The following QRICH1 variants were observed in gnomAD, a reference collection of about 807,000 sequenced individuals.
QRICH1 encodes the protein transcriptional regulator QRICH1.
QRICH1 carries 16 observed loss-of-function variants against 87.1 expected under a neutral mutation model. The observed-to-expected ratio is 0.18, with a 90% CI of 0.12 to 0.28. The LOEUF (loss-of-function observed/expected upper bound fraction) is 0.28. Ranked by LOEUF, QRICH1 falls within the 10% of genes least tolerant of loss-of-function variation. The pLI is 1.00. For synonymous variants in QRICH1, 367 were observed against 368.4 expected (o/e 1.00, Z 0.05); for missense variants, 647 against 951.7 (o/e 0.68, Z 4.21).
chr3:49,090,376 G>A (rs1257113319), intron 1 of QRICH1, among the ~76,000 whole-genome samples: 6 of 150,720 alleles, frequency 4.0e-5, no homozygotes, highest in Non-Finnish European at 8.9e-5. Flanking sequence ...GGAGAATGGC[G>A]TGAACCCAGA....
At chr3:49,084,107 G>A (rs1018549635) in intron 1 of QRICH1, among the ~76,000 whole-genome samples, 3 of 151,672 alleles carry the variant, frequency 2.0e-5, no homozygotes, top group African/African-American at 7.3e-5. Flanking sequence ...GCCCACATCC[G>A]GCTAATTTTT....
intron 6 of QRICH1, among the ~76,000 whole-genome samples, chr3:49,037,071 CTT>C (rs1311810513): frequency 2.8e-4 from 14 of 49,566 alleles, no homozygotes; most frequent in African/African-American, 8.5e-4. Flanking sequence ...ACCCCCGTCT[CTT>C]AAAAAAAAAA....
chr3:49,075,025 C>T lies in QRICH1; in HGVS notation c.309+1684G>A, dbSNP rs143551368. ...TGTGGTGTTTTTAGTTTACAGTACT[C>T]GAAAATATTTTTAAGGCCAGGCATG... On this transcript the variant is annotated intron_variant, in intron 2 of 9. Transcript: ENST00000395443. Among the ~76,000 whole-genome samples, 57 of 150,830 alleles carry T rather than the reference C, an allele frequency of 3.8e-4. No homozygotes were observed. The East Asian group carries it at 0.011, about 30-fold the overall frequency.
At chr3:49,078,622 C>T (rs1468618208) in intron 1 of QRICH1, among the ~76,000 whole-genome samples, 1 of 149,004 alleles carries the variant, frequency 6.7e-6, no homozygotes, top group Non-Finnish European at 1.5e-5. Flanking sequence ...GTCTCGATCT[C>T]CTGACCTCGT....
At chr3:49,061,605 C>A (rs1319814352) in intron 2 of QRICH1, among the ~76,000 whole-genome samples, 1 of 152,220 alleles carries the variant, frequency 6.6e-6, no homozygotes, top group African/African-American at 2.4e-5. Flanking sequence ...GTAATCCCAG[C>A]TCTGTGGGAG....
chr3:49,079,261 A>C (rs1205114946), intron 1 of QRICH1, among the ~76,000 whole-genome samples: 1 of 151,922 alleles, frequency 6.6e-6, no homozygotes, highest in Non-Finnish European at 1.5e-5. Context: ...AACAAACAAA[A>C]AAATTAAGTT....
chr3:49,032,986 G>T, intron 7 of QRICH1, 134 bp downstream of exon 7: 1 of 920,120 alleles, frequency 1.1e-6, no homozygotes. Flanking sequence ...CAAATAAAAT[G>T]CAGCCAAGTG....
In QRICH1 at chr3:49,093,961, C is replaced by T. The variant is rs2042332310; in HGVS notation, c.-71G>A. The T allele has an allele frequency of 2.5e-6, 1 of 404,484 alleles. No homozygotes were observed. Among genetic ancestry groups the T allele is most frequent in the Non-Finnish European group, 4.3e-6 (1 of 231,268 alleles). The allele number at this position is 404,484 out of a possible 1,614,324, so 25.1% of individuals were successfully genotyped here. A position where few individuals can be genotyped will look rare whatever the true frequency, so the allele number is the denominator to read the frequency against. ...CCGCCGCCTCCGCTGCACCCGCCGG[C>T]CCCGCCGCACCGCCAGGGACCCTGG... is the stretch of plus-strand genomic sequence containing the variant. On this transcript the variant is annotated 5_prime_UTR_variant, in exon 1 of 10. Coordinates refer to ENST00000395443, the MANE Select transcript of QRICH1 (RefSeq NM_198880.3).
intron 6 of QRICH1, among the ~76,000 whole-genome samples, chr3:49,034,106 A>ATTG (rs1553739012): frequency 6.6e-6 from 1 of 150,962 alleles, no homozygotes; most frequent in Non-Finnish European, 1.5e-5. Context: ...TATTATTATT[A>ATTG]TTAGCTAAGA....
intron 2 of QRICH1, among the ~76,000 whole-genome samples, chr3:49,060,801 A>C (rs184310415): frequency 6.6e-6 from 1 of 152,222 alleles, no homozygotes; most frequent in Admixed American, 6.6e-5. Flanking sequence ...CGTGAACTGC[A>C]AATGTGAGGT....
At chr3:49,079,855 C>G (rs1471122965) in intron 1 of QRICH1, among the ~76,000 whole-genome samples, 1 of 152,128 alleles carries the variant, frequency 6.6e-6, no homozygotes, top group Non-Finnish European at 1.5e-5. Context: ...AAGGCGAAAC[C>G]CTGTCTCTAC....
intron 6 of QRICH1, among the ~76,000 whole-genome samples, chr3:49,038,794 A>G (rs1445760189): frequency 1.3e-5 from 2 of 152,204 alleles, no homozygotes; most frequent in Non-Finnish European, 2.9e-5. Context: ...TGGGAGGTTG[A>G]GGCAGGTGGA....
At position 49,059,885 on chromosome 3, in the gene QRICH1, C is replaced by CT. The variant is rs560174243; in HGVS notation, c.310-1996dup. ...TGTGCCTGCCATCACATCCAGCTAA[C>CT]TTTTTTTTTTTTTTTTTGAGACGGA... On this transcript the variant is annotated intron_variant, in intron 2 of 9. Transcript: ENST00000395443. 2.2e-3 allele frequency among the ~76,000 whole-genome samples: 303 copies of CT among 139,652 alleles called. 4 individuals carry two copies. Among genetic ancestry groups the CT allele is most frequent in the Middle Eastern group, 3.7e-3 (1 of 272 alleles). The allele number at this position is 139,652 out of a possible 152,430, so 91.6% of individuals were successfully genotyped here.
intron 6 of QRICH1, among the ~76,000 whole-genome samples, chr3:49,038,898 G>A (rs2093292799): frequency 6.6e-6 from 1 of 152,020 alleles, no homozygotes; most frequent in Non-Finnish European, 1.5e-5. Context: ...GTGGCAGCAT[G>A]CACCTGTAGT....
intron 2 of QRICH1, among the ~76,000 whole-genome samples, chr3:49,074,348 G>A (rs1301529429): frequency 2.6e-5 from 4 of 152,076 alleles, no homozygotes; most frequent in African/African-American, 7.2e-5. Flanking sequence ...CGAGGTGGGC[G>A]GATCATGAGG....
At chr3:49,030,681 T>C (rs1553738117) in intron 9 of QRICH1, 37 bp from the exon 10 acceptor site, 1 of 1,486,332 alleles carries the variant, frequency 6.7e-7, no homozygotes, top group East Asian at 2.4e-5. Flanking sequence ...GTACCACCAA[T>C]ATAACTTCAA....
upstream of QRICH1, chr3:49,094,156 C>T: frequency 2.5e-6 from 1 of 396,930 alleles, no homozygotes; most frequent in Non-Finnish European, 4.4e-6. Flanking sequence ...TTAAAGTGAA[C>T]GCTTCAGCAG....
intron 1 of QRICH1, among the ~76,000 whole-genome samples, chr3:49,081,560 G>A (rs561857463): frequency 2.0e-5 from 3 of 152,288 alleles, no homozygotes; most frequent in East Asian, 1.9e-4. Context: ...GAGTGCAGTG[G>A]TAAGATCTTG....
chr3:49,060,610 G>A (rs1007837192), intron 2 of QRICH1, among the ~76,000 whole-genome samples: 3 of 152,132 alleles, frequency 2.0e-5, no homozygotes, highest in Admixed American at 1.3e-4. Context: ...GATTATAGGC[G>A]TGAGCCACCA....
Sources: gnomAD v4.1 joint callset for allele counts (sites outside exome capture counted in the v4.1 genomes callset) on GRCh38, gnomAD v4.1.1 for gene constraint, MANE v1.5 for transcripts, NCBI Gene and HGNC (gene_info 2026-07-23, HGNC 2026-07-21) for gene names.